PCDHGA5: variants seen among roughly 807,000 people sequenced by gnomAD.
PCDHGA5 encodes the protein protocadherin gamma-A5.
Under a neutral mutation model 56.7 loss-of-function variants are expected in PCDHGA5, and 36 were observed. The observed-to-expected ratio is 0.64, with a 90% CI of 0.49 to 0.84. The LOEUF (loss-of-function observed/expected upper bound fraction) is 0.84, where lower values mean the gene tolerates loss of function less well. PCDHGA5 is among the 40% of genes least tolerant of loss of function. PCDHGA5 has a pLI of 0.00. For missense variants in PCDHGA5, 1,305 were observed against 1,201.5 expected, an observed-to-expected ratio of 1.09 and a Z score of -1.27; for synonymous variants, 563 against 520.2, an observed-to-expected ratio of 1.08 and a Z score of -1.12.
At chr5:141,413,550 A>C (rs2095653911) in intron 1 of PCDHGA5, 1 of 1,613,974 alleles carries the variant, frequency 6.2e-7, no homozygotes, top group Non-Finnish European at 8.5e-7. Context: ...GGATAGAAAT[A>C]GAAGTAACTG....
chr5:141,464,290 A>AC (rs1287070540), intron 1 of PCDHGA5, among the ~76,000 whole-genome samples: 1 of 149,916 alleles, frequency 6.7e-6, no homozygotes, highest in Non-Finnish European at 1.5e-5. Context: ...AAAAAAAAAA[A>AC]CTCCATTGTA....
intron 1 of PCDHGA5, chr5:141,419,601 C>A (rs753678898): frequency 6.2e-7 from 1 of 1,611,818 alleles, no homozygotes; most frequent in Admixed American, 1.7e-5. Flanking sequence ...GTGCCGCGGG[C>A]CGCGCAGCCA....
At chr5:141,385,876 G>A (rs1395840676) in intron 1 of PCDHGA5, 1 of 152,842 alleles carries the variant, frequency 6.5e-6, no homozygotes, top group Non-Finnish European at 1.5e-5. Flanking sequence ...TTGGATTTAT[G>A]CCTAAAGAAT....
At chr5:141,412,145 C>T (rs1335929166) in intron 1 of PCDHGA5, 1 of 152,210 alleles carries the variant, frequency 6.6e-6, no homozygotes, top group East Asian at 1.9e-4. Context: ...CTGATACAAA[C>T]TGCCTAAGAG....
At chr5:141,496,928 G>A (rs2099772685) in intron 2 of PCDHGA5, among the ~76,000 whole-genome samples, 1 of 151,334 alleles carries the variant, frequency 6.6e-6, no homozygotes, top group Non-Finnish European at 1.5e-5. Context: ...GTTCACGCCT[G>A]TAATCCCAGC....
chr5:141,436,383 G>A (rs1374382672), intron 1 of PCDHGA5, among the ~76,000 whole-genome samples: 1 of 152,104 alleles, frequency 6.6e-6, no homozygotes, highest in Admixed American at 6.5e-5. Flanking sequence ...AGCTGAATAG[G>A]CTTTATTAAA....
intron 1 of PCDHGA5, among the ~76,000 whole-genome samples, chr5:141,458,719 G>A (rs891521416): frequency 5.9e-5 from 9 of 151,684 alleles, no homozygotes; most frequent in Non-Finnish European, 1.2e-4. Context: ...ACAGGTATTC[G>A]CCACCACATC....
chr5:141,390,518 T>C (rs1045172175), intron 1 of PCDHGA5: 28 of 570,804 alleles, frequency 4.9e-5, no homozygotes, highest in Middle Eastern at 4.8e-4. Context: ...TATAAAGCAA[T>C]GAGGGTGTGG....
chr5:141,389,644 C>T (rs2091854728), intron 1 of PCDHGA5: 1 of 1,612,926 alleles, frequency 6.2e-7, no homozygotes, highest in Admixed American at 1.7e-5. Context: ...TACTTGGTGA[C>T]CAAGGTAGTG....
intron 1 of PCDHGA5, among the ~76,000 whole-genome samples, chr5:141,488,544 C>G (rs1225754325): frequency 6.6e-6 from 1 of 152,166 alleles, no homozygotes; most frequent in African/African-American, 2.4e-5. Flanking sequence ...AGTCCCATGT[C>G]AGCTGACATT....
intron 1 of PCDHGA5, chr5:141,428,437 C>G: frequency 2.5e-6 from 1 of 400,386 alleles, no homozygotes; most frequent in East Asian, 5.4e-5. Flanking sequence ...TAAGACTAGA[C>G]CAGGGGTTTT....
intron 1 of PCDHGA5, chr5:141,371,621 C>T: frequency 6.2e-7 from 1 of 1,613,986 alleles, no homozygotes; most frequent in Middle Eastern, 1.6e-4. Flanking sequence ...CAGATGGAGC[C>T]CTGGACCGGG....
chr5:141,476,357 C>G lies in PCDHGA5; in HGVS notation c.2422-18450C>G. On this transcript the variant is annotated intron_variant, in intron 1 of 3. Transcript: ENST00000518069. The surrounding 1 kb of genome is among the most constrained non-coding windows in gnomAD (Gnocchi z 7.6). ...TAGCCGAAGATTCTTTGAGGTGAAC[C>G]GGGAGACCGGAGAGATGTTTGTGAA... The G allele has an allele frequency of 6.2e-7, 1 of 1,614,052 alleles. No individual in the cohort carries two copies. Among genetic ancestry groups the G allele is most frequent in the South Asian group, 1.1e-5 (1 of 91,078 alleles).
chr5:141,433,843 A>C (rs2097657951), intron 1 of PCDHGA5, among the ~76,000 whole-genome samples: 1 of 151,956 alleles, frequency 6.6e-6, no homozygotes, highest in African/African-American at 2.4e-5. Context: ...ATCTCAAAAA[A>C]AAAAAAAAAA....
At position 141,409,758 on chromosome 5, in the gene PCDHGA5, C is replaced by A. The variant is rs763902801; in HGVS notation, c.2421+43007C>A. Reference sequence around the variant, plus strand: ...AGCGGGGTGGTGTTCGCGCAGCGCGCCTTTGATCACGAGCAGCTGCGCGCC... The same window carrying A: ...AGCGGGGTGGTGTTCGCGCAGCGCGACTTTGATCACGAGCAGCTGCGCGCC... On this transcript the variant is annotated intron_variant, in intron 1 of 3. Transcript: ENST00000518069. 4 of 1,612,868 alleles carry A rather than the reference C, an allele frequency of 2.5e-6. No homozygotes were observed. In the African/African-American group the frequency reaches 4.0e-5, roughly 16 times the overall value.
At chr5:141,417,882 G>A (rs1170069976) in intron 1 of PCDHGA5, 8 of 1,560,746 alleles carry the variant, frequency 5.1e-6, no homozygotes, top group African/African-American at 1.4e-5. Flanking sequence ...TGCGCGCAGA[G>A]GCGCCGGGCC....
rs1486791355 is a variant in PCDHGA5 at position 141,476,804 on chromosome 5, A to G, written c.2422-18003A>G. Reference sequence around the variant, plus strand: ...CCCAGCTCTCTCCGCCAGCCTGCCTATTCACATCAAGGTGCTGGACGCGAA... The same window carrying G: ...CCCAGCTCTCTCCGCCAGCCTGCCTGTTCACATCAAGGTGCTGGACGCGAA... On this transcript the variant is annotated intron_variant, in intron 1 of 3. Coordinates refer to ENST00000518069, the MANE Select transcript of PCDHGA5 (RefSeq NM_018918.3). The surrounding 1 kb of genome is among the most constrained non-coding windows in gnomAD (Gnocchi z 7.6). 5 of 1,613,476 alleles carry G rather than the reference A, an allele frequency of 3.1e-6. No individual in the cohort carries two copies. Among genetic ancestry groups the G allele is most frequent in the South Asian group, 2.2e-5 (2 of 91,080 alleles).
chr5:141,406,647 A>G (rs2094834813), intron 1 of PCDHGA5, among the ~76,000 whole-genome samples: 1 of 152,182 alleles, frequency 6.6e-6, no homozygotes, highest in Non-Finnish European at 1.5e-5. Context: ...TAATTTCCTA[A>G]TGCTTTAATG....
chr5:141,403,974 A>G (rs1351754228), intron 1 of PCDHGA5: 1 of 1,613,872 alleles, frequency 6.2e-7, no homozygotes, highest in African/African-American at 1.3e-5. Flanking sequence ...GAAGATGTAA[A>G]TGACAATAGA....
Sources: allele counts gnomAD v4.1 joint callset (sites outside exome capture counted in the v4.1 genomes callset), GRCh38; gene constraint gnomAD v4.1.1; non-coding constraint Gnocchi (gnomAD v3.1); transcripts MANE v1.5; gene names NCBI Gene and HGNC (gene_info 2026-07-23, HGNC 2026-07-21).